CAPN14: variants seen among roughly 807,000 people sequenced by gnomAD.
CAPN14 encodes calpain-14.
Under a neutral mutation model 101.3 loss-of-function variants are expected in CAPN14, and 94 were observed. The ratio of observed to expected loss-of-function variants is 0.93; its 90% CI spans 0.79 to 1.10. The LOEUF is 1.10. CAPN14 is among the 50% of genes least tolerant of loss of function. The pLI, the probability that CAPN14 is intolerant of heterozygous loss-of-function variation, is 0.00. For synonymous variants in CAPN14, 338 were observed against 317.9 expected (o/e 1.06, Z -0.67); for missense variants, 837 against 828.4 (o/e 1.01, Z -0.13).
rs566671819 is a variant in CAPN14 at position 31,177,781 on chromosome 2, T to C, written c.1820A>G (p.Asn607Ser). 6.4e-7 allele frequency: 1 copy of C among 1,552,096 alleles called. No individual in the cohort carries two copies. Among genetic ancestry groups the C allele is most frequent in the African/African-American group, 1.4e-5 (1 of 73,202 alleles). ...CATGGCAGCGTGCAGCTGCTCCCAG[T>C]TCAGGTATCCTGACCCACGGTCTTG... is the stretch of plus-strand genomic sequence containing the variant. ...HKQDRGSGYL[N>S]WEQLHAAMRE... Residue 607 changes from asparagine (N) to serine (S), a missense_variant, in exon 19 of 22, where the codon AAC becomes AGC. Transcript: ENST00000403897.
chr2:31,202,973 G>T, intron 3 of CAPN14, 97 bp downstream of exon 3: 1 of 1,024,720 alleles, frequency 9.8e-7, no homozygotes, highest in South Asian at 1.5e-5. Context: ...TCTCCAGTGG[G>T]GATCTCTGGC....
intron 16 of CAPN14, among the ~76,000 whole-genome samples, chr2:31,184,268 C>T (rs917020421): frequency 6.6e-6 from 1 of 152,010 alleles, no homozygotes; most frequent in Non-Finnish European, 1.5e-5. Flanking sequence ...GGAGAAACTT[C>T]TTTCATTAAG....
In CAPN14 at chr2:31,180,980, A is replaced by T. The variant is rs1371628257; in HGVS notation, c.1666T>A (p.Phe556Ile). ...TWSSLGSRQPFFSLEACQGIL... is the reference protein window; with the variant it reads ...TWSSLGSRQPIFSLEACQGIL... ...CCCTGGCAGGCTTCCAGGCTAAAGA[A>T]GGGCTGTCTGCTCCCCAGACCTGTG... Residue 556 changes from phenylalanine (F) to isoleucine (I), a missense_variant, in exon 17 of 22, where the codon TTC becomes ATC. Phe to Ile is a conservative substitution (Grantham distance 21). Coordinates refer to ENST00000403897, the MANE Select transcript of CAPN14 (RefSeq NM_001145122.2). 6 of 1,551,712 alleles carry T rather than the reference A, an allele frequency of 3.9e-6. No individual in the cohort carries two copies. The highest frequency in any genetic ancestry group is 4.4e-6 in the Non-Finnish European group (5 of 1,147,006).
intron 8 of CAPN14, among the ~76,000 whole-genome samples, chr2:31,195,362 A>G (rs1387504929): frequency 2.0e-5 from 3 of 151,922 alleles, no homozygotes; most frequent in African/African-American, 7.3e-5. Context: ...TTTGAGACAG[A>G]CTCTCACTCT....
chr2:31,193,126 C>A lies in CAPN14; in HGVS notation c.1114+5G>T, dbSNP rs753554914. Reference sequence around the variant, plus strand: ...TGAGAGCCCTGCTCCTGTGCACATGCTCACCCTGCAGCAACTGCCTCTGGC... The same window carrying A: ...TGAGAGCCCTGCTCCTGTGCACATGATCACCCTGCAGCAACTGCCTCTGGC... On this transcript the variant is annotated splice_donor_5th_base_variant and intron_variant, in intron 10 of 21. Coordinates refer to ENST00000403897, the MANE Select transcript of CAPN14 (RefSeq NM_001145122.2). 1 of 1,548,590 alleles carries A rather than the reference C, an allele frequency of 6.5e-7. No homozygotes were observed. The highest frequency in any genetic ancestry group is 1.4e-5 in the African/African-American group (1 of 73,024).
chr2:31,219,201 C>CCGAGA (rs1486018150), upstream of CAPN14, among the ~76,000 whole-genome samples: 1 of 152,160 alleles, frequency 6.6e-6, no homozygotes, highest in Non-Finnish European at 1.5e-5. Flanking sequence ...CACAGAGCCA[C>CCGAGA]CGAGACGCAT....
chr2:31,186,487 T>C lies in CAPN14; in HGVS notation c.1588-2A>G. On this transcript the variant is annotated splice_acceptor_variant, in intron 15 of 21. Coordinates refer to ENST00000403897, the MANE Select transcript of CAPN14 (RefSeq NM_001145122.2). LOFTEE classifies it high-confidence loss of function. The stretch of plus-strand genomic sequence containing the variant: ...TTGAACTGCATTAATCTCTGGATGC[T>C]AAATAGAAAGCAGATTGGCAAGAAA... 6.5e-7 allele frequency: 1 copy of C among 1,546,612 alleles called. No homozygotes were observed.
At chr2:31,197,911 C>T (rs1477843283) in intron 7 of CAPN14, among the ~76,000 whole-genome samples, 4 of 152,192 alleles carry the variant, frequency 2.6e-5, no homozygotes, top group African/African-American at 9.6e-5. Flanking sequence ...TCCCTGCTCA[C>T]ACCTTGATTT....
In CAPN14 at chr2:31,192,027, G is replaced by T. The variant is rs1055630062; in HGVS notation, c.1186C>A (p.Pro396Thr). Reference sequence around the variant, plus strand: ...AGCAGGGACACCAGCACGCTGCAGGGCCTCAGGGATCTCCTGCCCTCCTCG... The same window carrying T: ...AGCAGGGACACCAGCACGCTGCAGGTCCTCAGGGATCTCCTGCCCTCCTCG... ...RPEEGRRSLR[P>T]CSVLVSLLQK... Residue 396 changes from proline to threonine, a missense_variant, in exon 11 of 22, where the codon CCC (proline) becomes ACC (threonine). By Grantham distance (38) the Pro-to-Thr change is conservative. Coordinates refer to ENST00000403897, the MANE Select transcript of CAPN14 (RefSeq NM_001145122.2). 4 of 1,551,482 alleles carry T rather than the reference G, an allele frequency of 2.6e-6. No individual in the cohort carries two copies. Among genetic ancestry groups the T allele is most frequent in the Admixed American group, 2.0e-5 (1 of 50,968 alleles).
At chr2:31,229,661 A>G (rs1365292133) in intron 1 of CAPN14, among the ~76,000 whole-genome samples, 5 of 144,714 alleles carry the variant, frequency 3.5e-5, no homozygotes, top group African/African-American at 1.3e-4. Flanking sequence ...CCTGGGTGAC[A>G]GAGCAAGACC....
rs1681168011 is a variant in CAPN14, at chr2:31,191,385, A to G, written c.1287+14T>C. ...ACCCCAAACTAGGGCCACCCGGTCA[A>G]GTGCAGAACTCACCTTGTTCATCTA... On this transcript the variant is annotated intron_variant, in intron 12 of 21. Transcript: ENST00000403897. 7.1e-6 allele frequency: 11 copies of G among 1,543,414 alleles called. No homozygotes were observed. Among genetic ancestry groups the G allele is most frequent in the Non-Finnish European group, 9.6e-6 (11 of 1,144,996 alleles).
rs560043811 is a variant in CAPN14, at chr2:31,187,323, C to T, written c.1587+435G>A. ...CAGGCCCTCCCCCTTCTTATCAGTC[C>T]CACCTTCTCTCCAGGTGACCACTCA... On this transcript the variant is annotated intron_variant, in intron 15 of 21. Coordinates refer to ENST00000403897, the MANE Select transcript of CAPN14 (RefSeq NM_001145122.2). Among the ~76,000 whole-genome samples, 8 of 152,150 alleles carry T rather than the reference C, an allele frequency of 5.3e-5. No individual in the cohort carries two copies. In the South Asian group the frequency reaches 1.5e-3, roughly 28 times the overall value.
chr2:31,189,881 A>G (rs545358529), intron 12 of CAPN14, among the ~76,000 whole-genome samples: 2 of 152,198 alleles, frequency 1.3e-5, no homozygotes, highest in East Asian at 1.9e-4. Flanking sequence ...CTGAGTTCCA[A>G]TGCTCCTGTT....
At chr2:31,215,682 A>G (rs10210053) in intron 1 of CAPN14, among the ~76,000 whole-genome samples, 87,489 of 151,404 alleles carry the variant, frequency 0.58, 26,417 homozygotes, top group East Asian at 0.95. Context: ...CTGGGGAGAG[A>G]ATGCTGGTTA....
Position 31,217,482 on chromosome 2 carries a change from G to A in CAPN14, c.-79C>T, listed in dbSNP as rs1682703311. On this transcript the variant is annotated 5_prime_UTR_variant, in exon 1 of 22. Coordinates refer to ENST00000403897, the MANE Select transcript of CAPN14 (RefSeq NM_001145122.2). ...TGCACAGGAGATTTTGCTTCTTTAA[G>A]CGCCTGGGCAAGCTCTAATCCCGGT... 1 of 152,132 alleles carries A rather than the reference G, an allele frequency of 6.6e-6. No homozygotes were observed. Among genetic ancestry groups the A allele is most frequent in the African/African-American group, 2.4e-5 (1 of 41,424 alleles). 9.4% of individuals were successfully genotyped at this position (152,132 alleles called of 1,614,324 possible).
At position 31,196,633 on chromosome 2, in the gene CAPN14, G is replaced by A. The variant is rs147528101; in HGVS notation, c.875+616C>T. 2.4e-3 allele frequency among the ~76,000 whole-genome samples: 364 copies of A among 152,246 alleles called. 1 individual carries two copies. The highest frequency in any genetic ancestry group is 7.3e-3 in the Admixed American group (112 of 15,292). The stretch of plus-strand genomic sequence containing the variant: ...ATAATGACAGAATGAAGGACTTTAG[G>A]ACTTGACCTCCCTTTCTGCCTGTGC... On this transcript the variant is annotated intron_variant, in intron 8 of 21. Transcript: ENST00000403897.
At chr2:31,183,070 A>G (rs2148674920) in intron 16 of CAPN14, among the ~76,000 whole-genome samples, 1 of 152,376 alleles carries the variant, frequency 6.6e-6, no homozygotes, top group South Asian at 2.1e-4. Flanking sequence ...AACCTGACAA[A>G]AACAAACAAT....
chr2:31,206,021 A>ATTTTTTTT lies in CAPN14; in HGVS notation c.-52-530_-52-523dup, dbSNP rs200116287. On this transcript the variant is annotated intron_variant, in intron 1 of 21. Coordinates refer to ENST00000403897, the MANE Select transcript of CAPN14 (RefSeq NM_001145122.2). Reference sequence around the variant, plus strand: ...CAAAACCTCCTCCTACATTATCTTTATTTTTTTTATTTATTTATTTTTTTT... The same window carrying ATTTTTTTT: ...CAAAACCTCCTCCTACATTATCTTTATTTTTTTTTTTTTTTTATTTATTTATTTTTTTT... Among the ~76,000 whole-genome samples, 26 of 108,738 alleles carry ATTTTTTTT rather than the reference A, an allele frequency of 2.4e-4. 2 individuals are homozygous for ATTTTTTTT. The highest frequency in any genetic ancestry group is 3.4e-4 in the Non-Finnish European group (17 of 49,828). The allele number at this position is 108,738 out of a possible 152,430, so 71.3% of individuals were successfully genotyped here.
intron 1 of CAPN14, among the ~76,000 whole-genome samples, chr2:31,207,455 T>C (rs574806562): frequency 3.3e-5 from 5 of 152,318 alleles, no homozygotes; most frequent in African/African-American, 9.6e-5. Context: ...AAAAGATACA[T>C]AAAGTCAAGT....
Sources: gnomAD v4.1 joint callset for allele counts (sites outside exome capture counted in the v4.1 genomes callset) on GRCh38, gnomAD v4.1.1 for gene constraint, MANE v1.5 for transcripts, NCBI Gene and HGNC (gene_info 2026-07-23, HGNC 2026-07-21) for gene names.